The following HS3ST5 variants were observed in gnomAD, a reference collection of about 807,000 sequenced individuals.
HS3ST5 encodes the protein heparan sulfate glucosamine 3-O-sulfotransferase 5.
In HS3ST5, 10 loss-of-function variants were observed where a neutral mutation model predicts 25.4. That is an observed-to-expected ratio of 0.39 (90% CI 0.24 to 0.67). The LOEUF (loss-of-function observed/expected upper bound fraction) is 0.67, where lower values mean the gene tolerates loss of function less well. Ranked by LOEUF, HS3ST5 falls within the 30% of genes least tolerant of loss-of-function variation. The probability of loss-of-function intolerance (pLI) is 0.44; values close to 1 mark genes in which losing one functional copy is unlikely to be tolerated. For synonymous variants in HS3ST5, 170 were observed against 162.4 expected, an observed-to-expected ratio of 1.05 and a Z score of -0.36; for missense variants, 324 against 420.7, an observed-to-expected ratio of 0.77 and a Z score of 2.01.
intron 3 of HS3ST5, among the ~76,000 whole-genome samples, chr6:114,089,335 C>T (rs1185195531): frequency 2.6e-5 from 4 of 152,114 alleles, no homozygotes; most frequent in Admixed American, 6.5e-5. Flanking sequence ...TTGAATGACC[C>T]TCTCCAAGTT....
intron 2 of HS3ST5, among the ~76,000 whole-genome samples, chr6:114,181,612 G>A (rs1342247421): frequency 6.6e-6 from 1 of 152,154 alleles, no homozygotes; most frequent in African/African-American, 2.4e-5. Flanking sequence ...GCTCTTGTTA[G>A]TAACAACAGC....
chr6:114,262,208 C>T (rs1003618609), intron 1 of HS3ST5, among the ~76,000 whole-genome samples: 1 of 152,172 alleles, frequency 6.6e-6, no homozygotes, highest in African/African-American at 2.4e-5. Context: ...GAAATGACAA[C>T]TTTGTATCTC....
At chr6:114,092,930 C>T (rs1345647990) in intron 3 of HS3ST5, among the ~76,000 whole-genome samples, 2 of 152,188 alleles carry the variant, frequency 1.3e-5, no homozygotes, top group East Asian at 3.9e-4. Context: ...CCACCTTGGC[C>T]TCTCAAAGTG....
chr6:114,085,988 T>C (rs192030213), intron 3 of HS3ST5, among the ~76,000 whole-genome samples: 102 of 140,456 alleles, frequency 7.3e-4, no homozygotes, highest in Middle Eastern at 3.5e-3. Context: ...TATCTGTTCT[T>C]TTATGGACAT....
At chr6:114,309,252 G>A (rs1562271704) in intron 1 of HS3ST5, among the ~76,000 whole-genome samples, 3 of 152,156 alleles carry the variant, frequency 2.0e-5, no homozygotes, top group African/African-American at 4.8e-5. Context: ...TTAAATAACC[G>A]AAATTTGTAA....
At chr6:114,106,489 G>GT (rs1446512542) in intron 3 of HS3ST5, among the ~76,000 whole-genome samples, 6 of 151,988 alleles carry the variant, frequency 3.9e-5, no homozygotes, top group Non-Finnish European at 7.4e-5. Flanking sequence ...ACAGTACAGA[G>GT]TAAAAACTAC....
chr6:114,283,856 C>G lies in HS3ST5; in HGVS notation c.-338-55078G>C, dbSNP rs145665479. The stretch of plus-strand genomic sequence containing the variant: ...TACATTTGCAAAAAGAACCCCAAAT[C>G]TTTTTCAGAAGCAGGTGGATTATTT... On this transcript the variant is annotated intron_variant, in intron 1 of 4. Coordinates refer to ENST00000312719, the MANE Select transcript of HS3ST5 (RefSeq NM_153612.4). 3.9e-4 allele frequency among the ~76,000 whole-genome samples: 60 copies of G among 152,044 alleles called. 2 individuals are homozygous for G. The highest frequency in any genetic ancestry group is 6.8e-3 in the Middle Eastern group (2 of 294).
chr6:114,215,263 G>A (rs113147815), intron 2 of HS3ST5, among the ~76,000 whole-genome samples: 91 of 152,166 alleles, frequency 6.0e-4, no homozygotes, highest in African/African-American at 2.0e-3. Context: ...CCGAGGTCAC[G>A]CCACTGCACT....
At chr6:114,315,360 G>C (rs1582810703) in intron 1 of HS3ST5, among the ~76,000 whole-genome samples, 1 of 152,048 alleles carries the variant, frequency 6.6e-6, no homozygotes, top group Admixed American at 6.5e-5. Flanking sequence ...TTCTGCCTTT[G>C]TCTGATCTGT....
chr6:114,139,395 CA>C (rs1047930400), intron 3 of HS3ST5, among the ~76,000 whole-genome samples: 249 of 137,658 alleles, frequency 1.8e-3, no homozygotes, highest in Admixed American at 5.5e-3. Context: ...GACAAAAGTT[CA>C]AAAAAAAAAA....
At chr6:114,338,621 G>A (rs1776704337) in intron 1 of HS3ST5, among the ~76,000 whole-genome samples, 1 of 151,924 alleles carries the variant, frequency 6.6e-6, no homozygotes, top group African/African-American at 2.4e-5. Context: ...TTTGATAAGG[G>A]TTAGCTACTA....
chr6:114,318,940 G>A (rs560877118), intron 1 of HS3ST5, among the ~76,000 whole-genome samples: 2 of 152,200 alleles, frequency 1.3e-5, no homozygotes, highest in Non-Finnish European at 2.9e-5. Context: ...TCAGCCCAAG[G>A]AGACACAAAA....
intron 3 of HS3ST5, among the ~76,000 whole-genome samples, chr6:114,087,841 A>G (rs1283329077): frequency 2.0e-5 from 3 of 152,164 alleles, no homozygotes; most frequent in Non-Finnish European, 4.4e-5. Flanking sequence ...ACACATCTAC[A>G]TACAAAAGCC....
At chr6:114,101,043 C>CT (rs1582600980) in intron 3 of HS3ST5, among the ~76,000 whole-genome samples, 1 of 152,224 alleles carries the variant, frequency 6.6e-6, no homozygotes, top group East Asian at 1.9e-4. Flanking sequence ...ATTTTTCTGT[C>CT]TTTTTTTCTA....
rs577734449 is a variant in HS3ST5 at position 114,198,330 on chromosome 6, AG to A, written c.-144-29869del. Among the ~76,000 whole-genome samples, 687 of 152,286 alleles carry A rather than the reference AG, an allele frequency of 4.5e-3. 1 individual carries two copies. The highest frequency in any genetic ancestry group is 0.015 in the African/African-American group (639 of 41,564). On this transcript the variant is annotated intron_variant, in intron 2 of 4. Transcript: ENST00000312719. ...TCTATGACTCTGGCATTCTGGAGAG[AG>A]AAGACAGAGTAAGCAACTTGGAAAA...
chr6:114,271,023 GCTGT>G (rs1203530272), intron 1 of HS3ST5, among the ~76,000 whole-genome samples: 5 of 151,936 alleles, frequency 3.3e-5, no homozygotes, highest in Non-Finnish European at 2.9e-5. Context: ...GATCTTAGAG[GCTGT>G]CTATTAAATA....
chr6:114,286,473 G>C (rs1774344964), intron 1 of HS3ST5, among the ~76,000 whole-genome samples: 1 of 149,268 alleles, frequency 6.7e-6, no homozygotes, highest in African/African-American at 2.5e-5. Context: ...AAGTGTTCTT[G>C]CCAATATAAA....
At chr6:114,173,288 T>C (rs1779558453) in intron 2 of HS3ST5, among the ~76,000 whole-genome samples, 1 of 152,242 alleles carries the variant, frequency 6.6e-6, no homozygotes, top group Non-Finnish European at 1.5e-5. Context: ...GATTTTGCAC[T>C]TCTTATGGCA....
chr6:114,281,355 C>A (rs1326264161), intron 1 of HS3ST5, among the ~76,000 whole-genome samples: 1 of 152,040 alleles, frequency 6.6e-6, no homozygotes, highest in Non-Finnish European at 1.5e-5. Context: ...CTGTATAACA[C>A]ACTTTTGTCC....
Sources: allele counts gnomAD v4.1 joint callset (sites outside exome capture counted in the v4.1 genomes callset), GRCh38; gene constraint gnomAD v4.1.1; transcripts MANE v1.5; gene names NCBI Gene and HGNC (gene_info 2026-07-23, HGNC 2026-07-21).